EDIL3: variants seen among roughly 807,000 people sequenced by gnomAD.
EDIL3 encodes EGF like and discoidin domains 3.
Under a neutral mutation model 67.4 loss-of-function variants are expected in EDIL3, and 37 were observed. The observed-to-expected ratio is 0.55, with a 90% CI of 0.42 to 0.72. The LOEUF (loss-of-function observed/expected upper bound fraction) is 0.72. EDIL3 is among the 30% of genes least tolerant of loss of function. The pLI is 0.00. For synonymous variants in EDIL3, 195 were observed against 196.3 expected, an observed-to-expected ratio of 0.99 and a Z score of 0.05; for missense variants, 527 against 586.3, an observed-to-expected ratio of 0.90 and a Z score of 1.04.
chr5:84,088,714 A>G (rs946752622), intron 6 of EDIL3, among the ~76,000 whole-genome samples: 2 of 152,164 alleles, frequency 1.3e-5, no homozygotes, highest in African/African-American at 4.8e-5. Flanking sequence ...GTGACAGGCT[A>G]TTTGTGGGGG....
intron 1 of EDIL3, among the ~76,000 whole-genome samples, chr5:84,309,567 C>T (rs1321269840): frequency 2.7e-5 from 4 of 147,770 alleles, no homozygotes; most frequent in African/African-American, 5.0e-5. Context: ...TTGTTCAATT[C>T]CCACCTATGA....
chr5:84,356,889 CTTTTTTTTTT>C (rs1189590387), intron 1 of EDIL3, among the ~76,000 whole-genome samples: 3 of 32,096 alleles, frequency 9.3e-5, no homozygotes, highest in Non-Finnish European at 1.9e-4. Context: ...ATCTTTCTTT[CTTTTTTTTTT>C]TTTTTTTTTT....
At chr5:84,320,870 G>A (rs1410658102) in intron 1 of EDIL3, among the ~76,000 whole-genome samples, 2 of 152,164 alleles carry the variant, frequency 1.3e-5, no homozygotes, top group Non-Finnish European at 2.9e-5. Context: ...AACATTTCTT[G>A]TGAGTGTAAG....
chr5:84,046,760 G>A (rs1015092751), intron 9 of EDIL3, among the ~76,000 whole-genome samples: 3 of 152,016 alleles, frequency 2.0e-5, no homozygotes, highest in African/African-American at 2.4e-5. Flanking sequence ...TAACTAATAC[G>A]CCACAAACGA....
At chr5:84,283,342 T>C (rs1745741880) in intron 1 of EDIL3, among the ~76,000 whole-genome samples, 1 of 152,214 alleles carries the variant, frequency 6.6e-6, no homozygotes, top group South Asian at 2.1e-4. Flanking sequence ...GCTGTGATTA[T>C]GGTTGACTGC....
At chr5:84,132,330 A>C (rs856434) in intron 5 of EDIL3, among the ~76,000 whole-genome samples, 12 of 102,870 alleles carry the variant, frequency 1.2e-4, no homozygotes, top group Middle Eastern at 4.4e-3. Context: ...ATTTTATATA[A>C]TATATATTAT....
chr5:84,297,324 A>G (rs1163356282), intron 1 of EDIL3, among the ~76,000 whole-genome samples: 1 of 152,152 alleles, frequency 6.6e-6, no homozygotes, highest in Non-Finnish European at 1.5e-5. Context: ...TCAAAACCAC[A>G]ATGATATATG....
chr5:84,101,670 A>C (rs1747367754), intron 6 of EDIL3, among the ~76,000 whole-genome samples: 1 of 152,084 alleles, frequency 6.6e-6, no homozygotes, highest in South Asian at 2.1e-4. Context: ...AAATTGAATC[A>C]GTAATAGATA....
chr5:84,221,145 T>C (rs908947960), intron 3 of EDIL3, among the ~76,000 whole-genome samples: 1 of 152,134 alleles, frequency 6.6e-6, no homozygotes, highest in Non-Finnish European at 1.5e-5. Flanking sequence ...AATATATGTG[T>C]TGATAGATAT....
intron 6 of EDIL3, among the ~76,000 whole-genome samples, chr5:84,089,054 T>C (rs1338315134): frequency 6.6e-6 from 1 of 152,208 alleles, no homozygotes; most frequent in Non-Finnish European, 1.5e-5. Context: ...AGAAACTGTT[T>C]TGATGAAAAT....
At chr5:84,276,347 T>C (rs1745582950) in intron 1 of EDIL3, among the ~76,000 whole-genome samples, 1 of 152,212 alleles carries the variant, frequency 6.6e-6, no homozygotes, top group African/African-American at 2.4e-5. Context: ...TTACATTTTT[T>C]AGATGATTGT....
chr5:84,217,635 C>T (rs891203832), intron 3 of EDIL3, among the ~76,000 whole-genome samples: 1 of 152,002 alleles, frequency 6.6e-6, no homozygotes, highest in East Asian at 1.9e-4. Flanking sequence ...CTTTGCCCTA[C>T]ACATTTTAGA....
intron 9 of EDIL3, among the ~76,000 whole-genome samples, chr5:84,027,868 C>T (rs1349790012): frequency 6.6e-6 from 1 of 151,996 alleles, no homozygotes; most frequent in African/African-American, 2.4e-5. Context: ...TATTGGTGCC[C>T]CTGACCCTTG....
chr5:84,111,944 GA>G (rs1747571947), intron 5 of EDIL3, among the ~76,000 whole-genome samples: 1 of 152,100 alleles, frequency 6.6e-6, no homozygotes, highest in African/African-American at 2.4e-5. Context: ...ATGATTCCCG[GA>G]AAAGAATAGG....
intron 4 of EDIL3, among the ~76,000 whole-genome samples, chr5:84,175,950 T>C (rs1748896611): frequency 6.6e-6 from 1 of 152,050 alleles, no homozygotes; most frequent in Middle Eastern, 3.4e-3. Flanking sequence ...AATATGTGAT[T>C]AATGCAATTA....
intron 9 of EDIL3, among the ~76,000 whole-genome samples, chr5:84,020,736 T>C (rs1220610526): frequency 6.6e-6 from 1 of 152,020 alleles, no homozygotes; most frequent in Non-Finnish European, 1.5e-5. Flanking sequence ...GTTATAAATA[T>C]ATACATCAAT....
chr5:84,147,957 GAT>G (rs1279616047), intron 4 of EDIL3, among the ~76,000 whole-genome samples: 2 of 152,062 alleles, frequency 1.3e-5, no homozygotes, highest in Admixed American at 1.3e-4. Context: ...TCTATATTCT[GAT>G]ATCTTTGAAA....
At chr5:84,284,546 A>G (rs1038567573) in intron 1 of EDIL3, among the ~76,000 whole-genome samples, 17 of 152,194 alleles carry the variant, frequency 1.1e-4, no homozygotes, top group African/African-American at 4.1e-4. Context: ...GGCTGCAATA[A>G]TTGGTTATAA....
intron 4 of EDIL3, among the ~76,000 whole-genome samples, chr5:84,163,688 A>G (rs552345516): frequency 7.9e-5 from 12 of 152,236 alleles, no homozygotes; most frequent in South Asian, 6.2e-4. Flanking sequence ...AGGTATTAAC[A>G]TGGACATTGT....
Sources: gnomAD v4.1 joint callset for allele counts (sites outside exome capture counted in the v4.1 genomes callset) on GRCh38, gnomAD v4.1.1 for gene constraint, MANE v1.5 for transcripts, NCBI Gene and HGNC (gene_info 2026-07-23, HGNC 2026-07-21) for gene names.